TMF1: variants seen among roughly 807,000 people sequenced by gnomAD.
TMF1 encodes the protein TATA element modulatory factor 1, also known as TATA element modulatory factor.
In TMF1, 71 loss-of-function variants were observed where a neutral mutation model predicts 126.5. The observed-to-expected ratio is 0.56, with a 90% CI of 0.46 to 0.68. The LOEUF (loss-of-function observed/expected upper bound fraction) is 0.68. Ranked by LOEUF, TMF1 falls within the 30% of genes least tolerant of loss-of-function variation. TMF1 has a pLI of 0.00. For synonymous variants in TMF1, 461 were observed against 430.5 expected (o/e 1.07, Z -0.88); for missense variants, 1,259 against 1,253.2 (o/e 1.00, Z -0.07).
At position 69,023,090 on chromosome 3, in the gene TMF1, C is replaced by T. The variant is rs1185675968; in HGVS notation, c.*87G>A. 26 of 1,324,550 alleles carry T rather than the reference C, an allele frequency of 2.0e-5. No homozygotes were observed. The highest frequency in any genetic ancestry group is 2.6e-5 in the Non-Finnish European group (25 of 972,856). 82.0% of individuals were successfully genotyped at this position (1,324,550 alleles called of 1,614,324 possible). ...CTACAGTAAATCCCACTTTCTAATTCTATAAAAGAATTTATTGGAAGTCCA... is the reference window on the plus strand; with the variant it reads ...CTACAGTAAATCCCACTTTCTAATTTTATAAAAGAATTTATTGGAAGTCCA... On this transcript the variant is annotated 3_prime_UTR_variant, in exon 17 of 17. Coordinates refer to ENST00000398559, the MANE Select transcript of TMF1 (RefSeq NM_007114.3).
intron 10 of TMF1, 63 bp from the exon 11 acceptor site, chr3:69,030,070 C>T: frequency 7.1e-7 from 1 of 1,409,906 alleles, no homozygotes; most frequent in African/African-American, 1.4e-5. Context: ...AATACCAAGT[C>T]AATTCTGATT....
At position 69,027,372 on chromosome 3, in the gene TMF1, T is replaced by C. The variant is rs1267010645; in HGVS notation, c.2757+528A>G. Among the ~76,000 whole-genome samples the C allele has an allele frequency of 2.6e-5, 4 of 152,214 alleles. No homozygotes were observed. In the East Asian group the frequency reaches 7.7e-4, roughly 29 times the overall value. On this transcript the variant is annotated intron_variant, in intron 13 of 16. Transcript: ENST00000398559. ...GCCAGACTTACTCCTTAAGTGCCTATAGACCAAATGATGTGCACTGGTTTC... is the reference window on the plus strand; with the variant it reads ...GCCAGACTTACTCCTTAAGTGCCTACAGACCAAATGATGTGCACTGGTTTC...
intron 5 of TMF1, chr3:69,042,291 G>A (rs1254352763): frequency 4.4e-6 from 2 of 453,272 alleles, no homozygotes; most frequent in Non-Finnish European, 8.8e-6. Context: ...ACCCACCTCT[G>A]CCTCCCCAAG....
At chr3:69,040,273 G>A (rs2091856214) in intron 5 of TMF1, 1 of 152,430 alleles carries the variant, frequency 6.6e-6, no homozygotes, top group Non-Finnish European at 1.5e-5. Context: ...GGATCCTGGG[G>A]CAGAACAAAT....
rs545432651 is a variant in TMF1 at position 69,028,017 on chromosome 3, C to CA, written c.2665-26dup. ...TCTAATAGAGAGAAATAAAGTTAGA[C>CA]AATTTCTGTGATAGTAATTCATGCC... is the stretch of plus-strand genomic sequence containing the variant. On this transcript the variant is annotated intron_variant, in intron 12 of 16. Coordinates refer to ENST00000398559, the MANE Select transcript of TMF1 (RefSeq NM_007114.3). 156 of 1,389,198 alleles carry CA rather than the reference C, an allele frequency of 1.1e-4. 5 individuals carry two copies. The South Asian group carries it at 1.7e-3, about 15-fold the overall frequency. The allele number at this position is 1,389,198 out of a possible 1,614,324, so 86.1% of individuals were successfully genotyped here.
At chr3:69,029,467 C>A (rs1266053674) in intron 11 of TMF1, among the ~76,000 whole-genome samples, 1 of 150,692 alleles carries the variant, frequency 6.6e-6, no homozygotes, top group Admixed American at 6.6e-5. Flanking sequence ...TTTTTTGAGA[C>A]CGAGTCTCAC....
At position 69,035,766 on chromosome 3, in the gene TMF1, TA is replaced by T. The variant is rs535717863; in HGVS notation, c.2152-652del. On this transcript the variant is annotated intron_variant, in intron 8 of 16. Transcript: ENST00000398559. ...AATTACAATAAATGTATAAAACATG[TA>T]AAAAAAATTTCTAATATACTATTAA... Among the ~76,000 whole-genome samples the T allele has an allele frequency of 4.3e-4, 66 of 152,012 alleles. 1 individual carries two copies. Among genetic ancestry groups the T allele is most frequent in the South Asian group, 1.5e-3 (7 of 4,812 alleles).
At chr3:69,032,221 A>T (rs916838603) in intron 10 of TMF1, among the ~76,000 whole-genome samples, 2 of 152,216 alleles carry the variant, frequency 1.3e-5, no homozygotes, top group Admixed American at 6.5e-5. Flanking sequence ...AAGGTATCTA[A>T]GAGTCCACTG....
Position 69,042,579 on chromosome 3 carries a change from G to C in TMF1, c.1684+228C>G, listed in dbSNP as rs1274929935. ...GCACAAATTTCTGTCTATTTTACAG[G>C]GACTTACTTTTCTTTTTACTTCCAA... On this transcript the variant is annotated intron_variant, in intron 5 of 16. Transcript: ENST00000398559. 6.3e-6 allele frequency: 4 copies of C among 630,364 alleles called. No individual in the cohort carries two copies. The East Asian group carries it at 1.3e-4, about 21-fold the overall frequency. 39.0% of individuals were successfully genotyped at this position (630,364 alleles called of 1,614,324 possible).
rs770631381 is a variant in TMF1 at position 69,038,948 on chromosome 3, G to C, written c.1889C>G (p.Ser630Cys). The C allele has an allele frequency of 2.5e-6, 4 of 1,610,072 alleles. No individual in the cohort carries two copies. The Admixed American group carries it at 6.7e-5, about 27-fold the overall frequency. ...QHRENIKKLN[S>C]MVERQEKDLG... The stretch of plus-strand genomic sequence containing the variant: ...ATCTTTCTCTTGGCGTTCTACCATG[G>C]AATTTAGTTTTTTAATATTTTCTCT... Residue 630 changes from serine to cysteine, a missense_variant, in exon 7 of 17, where the codon TCC (serine) becomes TGC (cysteine). By Grantham distance (112) the Ser-to-Cys change is moderately radical (BLOSUM62 -1). Coordinates refer to ENST00000398559, the MANE Select transcript of TMF1 (RefSeq NM_007114.3).
At chr3:69,033,331 G>A (rs2091814622) in intron 10 of TMF1, among the ~76,000 whole-genome samples, 5 of 150,342 alleles carry the variant, frequency 3.3e-5, no homozygotes, top group Admixed American at 3.3e-4. Context: ...ACTTTAGCCA[G>A]TATCTGATAC....
chr3:69,052,333 C>G lies in TMF1; in HGVS notation c.-247G>C, dbSNP rs1231974926. 5 of 333,058 alleles carry G rather than the reference C, an allele frequency of 1.5e-5. No individual in the cohort carries two copies. The East Asian group carries it at 2.6e-4, about 18-fold the overall frequency. The allele number at this position is 333,058 out of a possible 1,614,324, so 20.6% of individuals were successfully genotyped here. A position where few individuals can be genotyped will look rare whatever the true frequency, so the allele number is the denominator to read the frequency against. On this transcript the variant is annotated 5_prime_UTR_variant, in exon 1 of 17. Coordinates refer to ENST00000398559, the MANE Select transcript of TMF1 (RefSeq NM_007114.3). ...TCCACGTACACAGCAACCAAATCTA[C>G]GAGCCCAGAGTTCGGTCGACAGACG...
In TMF1 at chr3:69,033,678, G is replaced by A. The variant is rs373504008; in HGVS notation, c.2271C>T (p.Asn757=). 2 of 1,612,306 alleles carry A rather than the reference G, an allele frequency of 1.2e-6. No homozygotes were observed. The highest frequency in any genetic ancestry group is 2.2e-5 in the South Asian group (2 of 90,682). ...QQRLQEAENR[N]QELSQSVSST... ...ATGAAACACTTTGACTCAGTTCCTG[G>A]TTTCGATTCTCTGCTTCCTGGAGTC... is the stretch of plus-strand genomic sequence containing the variant. The change falls in exon 10 of 17, where the codon AAC becomes AAT. Residue 757 remains asparagine (N), a synonymous_variant. Transcript: ENST00000398559.
rs1246478556 is a variant in TMF1 at position 69,020,096 on chromosome 3, TTTTC to T, written c.*3077_*3080del. ...AAGATAAAACATCTACAGTTTTCTT[TTTTC>T]TTCTATTTTCTAAATATTATAAATC... is the stretch of plus-strand genomic sequence containing the variant. On this transcript the variant is annotated 3_prime_UTR_variant, in exon 17 of 17. Coordinates refer to ENST00000398559, the MANE Select transcript of TMF1 (RefSeq NM_007114.3). 2 of 152,122 alleles carry T rather than the reference TTTTC, an allele frequency of 1.3e-5. No individual in the cohort carries two copies. Among genetic ancestry groups the T allele is most frequent in the African/African-American group, 2.4e-5 (1 of 41,456 alleles). 9.4% of individuals were successfully genotyped at this position (152,122 alleles called of 1,614,324 possible). A position where few individuals can be genotyped will look rare whatever the true frequency, so the allele number is the denominator to read the frequency against.
At chr3:69,043,142 T>C (rs2091877063) in intron 4 of TMF1, among the ~76,000 whole-genome samples, 1 of 152,158 alleles carries the variant, frequency 6.6e-6, no homozygotes, top group Non-Finnish European at 1.5e-5. Flanking sequence ...TATGAAAATA[T>C]AAATGAGAAT....
chr3:69,051,982 C>A lies in TMF1; in HGVS notation c.105G>T (p.Pro35=), dbSNP rs765337517. The change falls in exon 1 of 17, where the codon CCG becomes CCT. Residue 35 remains proline, a synonymous_variant. Coordinates refer to ENST00000398559, the MANE Select transcript of TMF1 (RefSeq NM_007114.3). ...ACGGAATGGTCTCGGCCCAGATGCT[C>A]GGCTCCTCTTCCTGGATGTCCAGAA... ...DRVLDIQEEE[P]SIWAETIPYG... The A allele has an allele frequency of 1.9e-6, 3 of 1,613,878 alleles. No homozygotes were observed. The highest frequency in any genetic ancestry group is 2.2e-5 in the South Asian group (2 of 91,050).
At chr3:69,024,730 A>AGT (rs1490175213) in intron 15 of TMF1, 3 of 149,000 alleles carry the variant, frequency 2.0e-5, no homozygotes, top group Non-Finnish European at 4.5e-5. Flanking sequence ...CCTACTTCTG[A>AGT]GTGTATTGTG....
intron 10 of TMF1, among the ~76,000 whole-genome samples, chr3:69,031,307 T>TAAAAAA (rs1163973676): frequency 6.6e-6 from 1 of 152,116 alleles, no homozygotes; most frequent in Non-Finnish European, 1.5e-5. Flanking sequence ...GTGATTATTT[T>TAAAAAA]CAGCTAAGAA....
chr3:69,031,298 T>TAA (rs1184051230), intron 10 of TMF1, among the ~76,000 whole-genome samples: 1 of 151,792 alleles, frequency 6.6e-6, no homozygotes, highest in Non-Finnish European at 1.5e-5. Flanking sequence ...ACATTAAGAG[T>TAA]GATTATTTTC....
Sources: gnomAD v4.1 joint callset for allele counts (sites outside exome capture counted in the v4.1 genomes callset) on GRCh38, gnomAD v4.1.1 for gene constraint, MANE v1.5 for transcripts, NCBI Gene and HGNC (gene_info 2026-07-23, HGNC 2026-07-21) for gene names.